Variants in TASP1 observed in about 807,000 individuals in gnomAD.
The protein encoded by TASP1 is threonine aspartase 1.
A neutral mutation model predicts 56.6 loss-of-function variants in TASP1; 16 were observed. The observed-to-expected ratio is 0.28, with a 90% confidence interval of 0.19 to 0.43. The LOEUF is 0.43. TASP1 is among the 20% of genes least tolerant of loss of function. The pLI is 1.00. For synonymous variants in TASP1, 179 were observed against 184.2 expected (o/e 0.97, Z 0.23); for missense variants, 393 against 511.6 (o/e 0.77, Z 2.24).
the TASP1 span, among the ~76,000 whole-genome samples, chr20:13,157,167 G>A: frequency 2.0e-5 from 3 of 151,896 alleles, no homozygotes; most frequent in Admixed American, 2.0e-4. Context: ...GCCGGGTACG[G>A]TAGCTCATGC....
Position 13,534,129 on chromosome 20 carries a change from C to G in TASP1, c.688G>C (p.Gly230Arg), listed in dbSNP as rs6042203. ...ACAGCGCCTACCGTGTCCAAAGTGCCTGAGTCATTTTCCTGCAGAGCAAAA... is the reference window on the plus strand; with the variant it reads ...ACAGCGCCTACCGTGTCCAAAGTGCGTGAGTCATTTTCCTGCAGAGCAAAA... ...RQSSEKENDS[G>R]TLDTVGAVVV... is the part of the protein sequence containing the mutation. The change falls in exon 9 of 14, where the codon GGC becomes CGC. Residue 230 changes from glycine (G) to arginine (R), a missense_variant. Gly to Arg is a moderately radical substitution (Grantham distance 125). Coordinates refer to ENST00000337743, the MANE Select transcript of TASP1 (RefSeq NM_017714.3). 24 of 1,613,324 alleles carry G rather than the reference C, an allele frequency of 1.5e-5. No homozygotes were observed. Among genetic ancestry groups the G allele is most frequent in the Non-Finnish European group, 1.9e-5 (23 of 1,179,632 alleles).
intron 10 of TASP1, among the ~76,000 whole-genome samples, chr20:13,520,525 C>G (rs774419435): frequency 9.9e-5 from 15 of 151,974 alleles, no homozygotes; most frequent in South Asian, 6.2e-4. Context: ...AATGGGGAAA[C>G]GATTCCCTAT....
intron 12 of TASP1, among the ~76,000 whole-genome samples, chr20:13,422,805 C>T (rs1440077261): frequency 2.0e-5 from 3 of 152,142 alleles, no homozygotes; most frequent in Non-Finnish European, 4.4e-5. Flanking sequence ...ATCTTGTTTA[C>T]CTCAGCTGGG....
At chr20:13,363,242 C>A in the TASP1 span, among the ~76,000 whole-genome samples, 1 of 152,144 alleles carries the variant, frequency 6.6e-6, no homozygotes, top group Admixed American at 6.5e-5. Context: ...TCCACCCACA[C>A]TCTTTGGAGA....
the TASP1 span, among the ~76,000 whole-genome samples, chr20:13,120,014 T>C: frequency 6.6e-6 from 1 of 152,254 alleles, no homozygotes; most frequent in Non-Finnish European, 1.5e-5. Flanking sequence ...TTTTTAATTA[T>C]GTTAAGTTTC....
the TASP1 span, among the ~76,000 whole-genome samples, chr20:13,275,765 G>A: frequency 1.3e-5 from 2 of 152,194 alleles, no homozygotes; most frequent in East Asian, 1.9e-4. Flanking sequence ...ATGCTCGTTG[G>A]TGATGATATT....
the TASP1 span, among the ~76,000 whole-genome samples, chr20:13,281,730 T>G: frequency 8.5e-5 from 13 of 152,184 alleles, no homozygotes; most frequent in Non-Finnish European, 1.5e-4. Context: ...GAGGAAAAGA[T>G]CAGCGCCACT....
chr20:13,135,304 C>G, the TASP1 span, among the ~76,000 whole-genome samples: 1 of 152,090 alleles, frequency 6.6e-6, no homozygotes, highest in Non-Finnish European at 1.5e-5. Flanking sequence ...TTCCATATTC[C>G]TAACTCAGAA....
At chr20:13,186,301 C>T in the TASP1 span, among the ~76,000 whole-genome samples, 3 of 152,058 alleles carry the variant, frequency 2.0e-5, no homozygotes, top group Non-Finnish European at 1.5e-5. Context: ...CCTACTTTCC[C>T]GGGGGGAAAA....
chr20:13,254,086 C>T, the TASP1 span, among the ~76,000 whole-genome samples: 1 of 146,114 alleles, frequency 6.8e-6, no homozygotes, highest in Non-Finnish European at 1.5e-5. Context: ...AAAATACAAA[C>T]ATTAGGCATG....
At chr20:13,544,557 A>G (rs889484798) in intron 8 of TASP1, among the ~76,000 whole-genome samples, 1 of 152,236 alleles carries the variant, frequency 6.6e-6, no homozygotes, top group East Asian at 1.9e-4. Flanking sequence ...TGCTACTAAC[A>G]TACCGACTAA....
intron 4 of TASP1, among the ~76,000 whole-genome samples, chr20:13,605,998 T>TTC (rs150196537): frequency 5.4e-4 from 82 of 152,280 alleles, no homozygotes; most frequent in African/African-American, 1.8e-3. Context: ...CACACTGCGA[T>TTC]TCTGAGCACA....
At chr20:13,358,988 G>C in the TASP1 span, among the ~76,000 whole-genome samples, 2 of 149,390 alleles carry the variant, frequency 1.3e-5, no homozygotes, top group Non-Finnish European at 3.0e-5. Context: ...CCTGGGGCAG[G>C]GTCAAGTACC....
chr20:13,303,489 T>G, the TASP1 span, among the ~76,000 whole-genome samples: 2 of 152,216 alleles, frequency 1.3e-5, no homozygotes, highest in African/African-American at 4.8e-5. Flanking sequence ...ATAAGCCCTG[T>G]GCTAACTGCT....
At chr20:13,282,845 G>T in the TASP1 span, among the ~76,000 whole-genome samples, 7 of 152,198 alleles carry the variant, frequency 4.6e-5, no homozygotes, top group African/African-American at 1.4e-4. Flanking sequence ...GGGCGAAGCT[G>T]AGACTGCTAG....
At chr20:13,286,823 C>T in the TASP1 span, among the ~76,000 whole-genome samples, 1 of 152,224 alleles carries the variant, frequency 6.6e-6, no homozygotes, top group Non-Finnish European at 1.5e-5. Flanking sequence ...TCCTGCTGGG[C>T]CTATGTAATA....
chr20:13,460,030 G>A (rs1410431695), intron 11 of TASP1, among the ~76,000 whole-genome samples: 2 of 152,050 alleles, frequency 1.3e-5, no homozygotes, highest in Non-Finnish European at 2.9e-5. Flanking sequence ...TTCAAGAAAG[G>A]AAAAATTCCT....
chr20:13,229,950 G>T, the TASP1 span, among the ~76,000 whole-genome samples: 18 of 152,140 alleles, frequency 1.2e-4, no homozygotes, highest in Non-Finnish European at 1.5e-4. Context: ...CGCCACCTTG[G>T]TCGGCCACCT....
the TASP1 span, among the ~76,000 whole-genome samples, chr20:13,285,372 C>T: frequency 7.9e-5 from 12 of 152,172 alleles, no homozygotes; most frequent in African/African-American, 2.4e-4. Context: ...CTCACAAGTC[C>T]GTGGGTTGTC....
Sources: gnomAD v4.1 joint callset for allele counts (sites outside exome capture counted in the v4.1 genomes callset) on GRCh38, gnomAD v4.1.1 for gene constraint, MANE v1.5 for transcripts, NCBI Gene and HGNC (gene_info 2026-07-23, HGNC 2026-07-21) for gene names.